The following IMMP1L variants were observed in gnomAD, a reference collection of about 807,000 sequenced individuals.
IMMP1L encodes inner mitochondrial membrane peptidase subunit 1, also known as mitochondrial inner membrane protease subunit 1.
Under a neutral mutation model 21.8 loss-of-function variants are expected in IMMP1L, and 24 were observed. The observed-to-expected ratio is 1.10, with a 90% CI of 0.80 to 1.55. The LOEUF is 1.55. Ranked by LOEUF, IMMP1L falls within the 40% of genes most tolerant of loss-of-function variation. The pLI is 0.00. For synonymous variants in IMMP1L, 46 were observed against 62.8 expected, an observed-to-expected ratio of 0.73 and a Z score of 1.26; for missense variants, 195 against 200.7, an observed-to-expected ratio of 0.97 and a Z score of 0.17.
intron 4 of IMMP1L, chr11:31,449,129 G>A (rs1953650223): frequency 2.1e-6 from 2 of 964,252 alleles, no homozygotes; most frequent in African/African-American, 3.5e-5. Context: ...TACTCTAGTT[G>A]TAATAAGTGA....
At chr11:31,482,601 C>A (rs1382791145) in intron 1 of IMMP1L, among the ~76,000 whole-genome samples, 4 of 151,872 alleles carry the variant, frequency 2.6e-5, no homozygotes, top group Non-Finnish European at 4.4e-5. Flanking sequence ...TGAAAAAGTA[C>A]TCAACTTCAT....
intron 3 of IMMP1L, 77 bp downstream of exon 3, chr11:31,460,543 ATAAAGT>A: frequency 1.3e-6 from 1 of 759,224 alleles, no homozygotes; most frequent in South Asian, 1.8e-5. Context: ...GGTTTTAAAG[ATAAAGT>A]TAAGGAACTG....
chr11:31,509,535 C>T lies in IMMP1L; in HGVS notation c.-46G>A, dbSNP rs1955928058. 1.8e-6 allele frequency: 1 copy of T among 556,434 alleles called. No individual in the cohort carries two copies. The highest frequency in any genetic ancestry group is 3.0e-5 in the East Asian group (1 of 33,390). The allele number at this position is 556,434 out of a possible 1,614,324, so 34.5% of individuals were successfully genotyped here. A position where few individuals can be genotyped will look rare whatever the true frequency, so the allele number is the denominator to read the frequency against. ...ATTACCTACCTCGGGCCCCAAAGAACCCTGGAGACCCTCAACCAGGACACA... is the reference window on the plus strand; with the variant it reads ...ATTACCTACCTCGGGCCCCAAAGAATCCTGGAGACCCTCAACCAGGACACA... On this transcript the variant is annotated 5_prime_UTR_variant, in exon 1 of 6. Transcript: ENST00000532287.
chr11:31,438,726 C>A (rs1953211591), intron 4 of IMMP1L, among the ~76,000 whole-genome samples: 1 of 151,988 alleles, frequency 6.6e-6, no homozygotes, highest in Non-Finnish European at 1.5e-5. Flanking sequence ...TTTTCCTCCT[C>A]TCTATTGGAT....
intron 4 of IMMP1L, among the ~76,000 whole-genome samples, chr11:31,442,996 T>C (rs1424737160): frequency 6.6e-6 from 1 of 152,148 alleles, no homozygotes; most frequent in Non-Finnish European, 1.5e-5. Context: ...AAAGTCTATA[T>C]GATGAATGTA....
At chr11:31,444,892 C>G (rs1953463787) in intron 4 of IMMP1L, among the ~76,000 whole-genome samples, 1 of 152,146 alleles carries the variant, frequency 6.6e-6, no homozygotes. Flanking sequence ...AACCATTTAC[C>G]AACTAGTCAG....
At chr11:31,489,625 C>A (rs768244265) in intron 1 of IMMP1L, among the ~76,000 whole-genome samples, 24 of 152,124 alleles carry the variant, frequency 1.6e-4, no homozygotes, top group Non-Finnish European at 2.8e-4. Flanking sequence ...CTTGCCTTTG[C>A]TTTTACACAT....
At chr11:31,464,591 G>A (rs902425398) in intron 1 of IMMP1L, among the ~76,000 whole-genome samples, 7 of 152,038 alleles carry the variant, frequency 4.6e-5, no homozygotes, top group East Asian at 1.9e-4. Flanking sequence ...AATATACCAC[G>A]ATCAGATGGG....
intron 4 of IMMP1L, among the ~76,000 whole-genome samples, chr11:31,454,446 T>C (rs923161064): frequency 1.7e-5 from 1 of 60,356 alleles, no homozygotes; most frequent in African/African-American, 1.0e-4. Context: ...AGCAAGACCA[T>C]GTCAAAAAAA....
At chr11:31,470,154 C>T (rs1253428041) in intron 1 of IMMP1L, among the ~76,000 whole-genome samples, 1 of 152,162 alleles carries the variant, frequency 6.6e-6, no homozygotes, top group East Asian at 1.9e-4. Context: ...GTGGCTCATG[C>T]CTGTAATCCA....
chr11:31,435,552 C>G (rs1953089742), intron 4 of IMMP1L, among the ~76,000 whole-genome samples: 1 of 152,270 alleles, frequency 6.6e-6, no homozygotes, highest in East Asian at 1.9e-4. Context: ...TTGCACCAAT[C>G]TAATAGATTT....
intron 3 of IMMP1L, among the ~76,000 whole-genome samples, chr11:31,457,629 T>C (rs1178510719): frequency 6.6e-6 from 1 of 152,118 alleles, no homozygotes; most frequent in Admixed American, 6.6e-5. Flanking sequence ...GGGAGCCAAG[T>C]CAGAAGAAAT....
intron 1 of IMMP1L, among the ~76,000 whole-genome samples, chr11:31,467,447 T>C (rs891293710): frequency 4.6e-5 from 7 of 152,170 alleles, no homozygotes; most frequent in African/African-American, 1.7e-4. Context: ...GGAACCATTC[T>C]GAGGGGTCAT....
At chr11:31,507,398 A>C (rs1324159601) in intron 1 of IMMP1L, among the ~76,000 whole-genome samples, 1 of 152,224 alleles carries the variant, frequency 6.6e-6, no homozygotes, top group Non-Finnish European at 1.5e-5. Flanking sequence ...AGTCCAAGTC[A>C]AAGTTGGAAA....
At chr11:31,508,274 A>G (rs146871637) in intron 1 of IMMP1L, among the ~76,000 whole-genome samples, 1 of 152,328 alleles carries the variant, frequency 6.6e-6, no homozygotes, top group East Asian at 1.9e-4. Context: ...AGCACATGCT[A>G]TTTAATGTGT....
Position 31,509,591 on chromosome 11 carries a change from A to G in IMMP1L, c.-102T>C, listed in dbSNP as rs1565025462. ...GCCTTTCTCACCTGGGCCCCGCCGA[A>G]GTCGACCGTCCTTTCGTAGGGCGCA... is the stretch of plus-strand genomic sequence containing the variant. On this transcript the variant is annotated 5_prime_UTR_variant, in exon 1 of 6. Transcript: ENST00000532287. 3 of 623,256 alleles carry G rather than the reference A, an allele frequency of 4.8e-6. No homozygotes were observed. In the East Asian group the frequency reaches 8.4e-5, roughly 17 times the overall value. The allele number at this position is 623,256 out of a possible 1,614,324, so 38.6% of individuals were successfully genotyped here. A position where few individuals can be genotyped will look rare whatever the true frequency, so the allele number is the denominator to read the frequency against.
intron 4 of IMMP1L, among the ~76,000 whole-genome samples, chr11:31,438,112 T>C (rs1169581957): frequency 6.6e-6 from 1 of 152,176 alleles, no homozygotes; most frequent in Non-Finnish European, 1.5e-5. Flanking sequence ...AGTAAGTCTA[T>C]GTTTAACCTT....
At chr11:31,448,191 C>T (rs1953604096) in intron 4 of IMMP1L, among the ~76,000 whole-genome samples, 1 of 152,140 alleles carries the variant, frequency 6.6e-6, no homozygotes, top group Non-Finnish European at 1.5e-5. Context: ...CGCCTGCAGT[C>T]CCAGCTACTC....
intron 4 of IMMP1L, among the ~76,000 whole-genome samples, chr11:31,440,920 C>A (rs1953304655): frequency 6.6e-6 from 1 of 152,080 alleles, no homozygotes; most frequent in Non-Finnish European, 1.5e-5. Flanking sequence ...TTCTGCATCT[C>A]AAGACTGGCA....
Sources: allele counts gnomAD v4.1 joint callset (sites outside exome capture counted in the v4.1 genomes callset), GRCh38; gene constraint gnomAD v4.1.1; transcripts MANE v1.5; gene names NCBI Gene and HGNC (gene_info 2026-07-23, HGNC 2026-07-21).